The following CLSTN2 variants were observed in gnomAD, a reference collection of about 807,000 sequenced individuals.
The protein encoded by CLSTN2 is calsyntenin 2.
CLSTN2 carries 48 observed loss-of-function variants against 101.2 expected under a neutral mutation model. The observed-to-expected ratio is 0.47, with a 90% CI of 0.38 to 0.60. The LOEUF is 0.60. Ranked by LOEUF, CLSTN2 falls within the 20% of genes least tolerant of loss-of-function variation. CLSTN2 has a pLI of 0.00. For synonymous variants in CLSTN2, 481 were observed against 463.6 expected, an observed-to-expected ratio of 1.04 and a Z score of -0.48; for missense variants, 1,160 against 1,238.2, an observed-to-expected ratio of 0.94 and a Z score of 0.95.
At chr3:140,263,373 G>T (rs1051499609) in intron 2 of CLSTN2, among the ~76,000 whole-genome samples, 3 of 152,122 alleles carry the variant, frequency 2.0e-5, no homozygotes, top group Non-Finnish European at 2.9e-5. Flanking sequence ...TGGTGGGATT[G>T]GTCCTAATGG....
chr3:139,956,845 C>G (rs964789303), intron 1 of CLSTN2, among the ~76,000 whole-genome samples: 1 of 152,022 alleles, frequency 6.6e-6, no homozygotes, highest in African/African-American at 2.4e-5. Flanking sequence ...TTTGCCTCAC[C>G]CTCACAAACT....
rs192044862 is a variant in CLSTN2 at position 140,341,075 on chromosome 3, C to T, written c.233-62554C>T. Among the ~76,000 whole-genome samples the T allele has an allele frequency of 1.2e-4, 18 of 152,286 alleles. No homozygotes were observed. In the South Asian group the frequency reaches 1.2e-3, roughly 11 times the overall value. On this transcript the variant is annotated intron_variant, in intron 2 of 16. Coordinates refer to ENST00000458420, the MANE Select transcript of CLSTN2 (RefSeq NM_022131.3). ...TGAGGTAGTGTTTGTTAGATTTCTC[C>T]GGCATAAAATTACTCTCCCTGACCC... is the stretch of plus-strand genomic sequence containing the variant.
chr3:140,528,466 C>A (rs745538593), intron 8 of CLSTN2, among the ~76,000 whole-genome samples: 10 of 152,138 alleles, frequency 6.6e-5, no homozygotes, highest in Non-Finnish European at 1.3e-4. Context: ...GGATATGAAT[C>A]CCGATCTGTT....
At chr3:139,954,932 G>A (rs1935361791) in intron 1 of CLSTN2, among the ~76,000 whole-genome samples, 1 of 151,804 alleles carries the variant, frequency 6.6e-6, no homozygotes, top group Admixed American at 6.6e-5. Flanking sequence ...TAGTCCATTA[G>A]TTTAGACACA....
At chr3:140,481,026 C>T (rs754918020) in intron 8 of CLSTN2, among the ~76,000 whole-genome samples, 2 of 152,208 alleles carry the variant, frequency 1.3e-5, no homozygotes, top group African/African-American at 2.4e-5. Flanking sequence ...TTGCCCATGC[C>T]TATGTCCTGA....
At chr3:139,998,681 T>C (rs898382955) in intron 1 of CLSTN2, among the ~76,000 whole-genome samples, 9 of 152,056 alleles carry the variant, frequency 5.9e-5, no homozygotes, top group African/African-American at 1.9e-4. Flanking sequence ...CAGTCAGTGT[T>C]TGATGCTTGG....
chr3:140,403,956 C>T (rs2088274661), intron 3 of CLSTN2, 132 bp downstream of exon 3: 1 of 711,822 alleles, frequency 1.4e-6, no homozygotes, highest in Non-Finnish European at 2.3e-6. Context: ...AACTGCTTGG[C>T]AGTTTCCTGG....
intron 1 of CLSTN2, among the ~76,000 whole-genome samples, chr3:140,005,878 T>A (rs993505661): frequency 1.3e-5 from 2 of 152,186 alleles, no homozygotes; most frequent in Non-Finnish European, 2.9e-5. Context: ...GGCAAAATGA[T>A]AACAAAATTG....
At chr3:140,420,303 AAGT>A (rs1173553818) in intron 4 of CLSTN2, among the ~76,000 whole-genome samples, 5 of 152,064 alleles carry the variant, frequency 3.3e-5, no homozygotes, top group African/African-American at 9.7e-5. Flanking sequence ...AAAAAAAAAA[AAGT>A]AGTAGGAATG....
At chr3:140,562,055 T>C (rs1346870746) in intron 12 of CLSTN2, 83 bp from the exon 13 acceptor site, 1 of 1,297,594 alleles carries the variant, frequency 7.7e-7, no homozygotes, top group Non-Finnish European at 1.1e-6. Context: ...TGGGGTGCAA[T>C]AACAGAGGAG....
intron 1 of CLSTN2, among the ~76,000 whole-genome samples, chr3:140,066,959 G>T (rs2008309923): frequency 6.6e-6 from 1 of 152,236 alleles, no homozygotes; most frequent in Non-Finnish European, 1.5e-5. Context: ...ATTTTAATCA[G>T]AGCAAGAGAT....
intron 1 of CLSTN2, among the ~76,000 whole-genome samples, chr3:139,955,103 G>A (rs1935366476): frequency 5.8e-5 from 2 of 34,556 alleles, no homozygotes; most frequent in Non-Finnish European, 5.8e-5. Flanking sequence ...TGTATATATG[G>A]CAATATTGCT....
intron 2 of CLSTN2, among the ~76,000 whole-genome samples, chr3:140,396,328 A>T (rs73228968): frequency 0.03 from 4,631 of 152,214 alleles, 91 homozygotes; most frequent in Non-Finnish European, 0.039. Flanking sequence ...TGCTTCAAGG[A>T]GTCAGATTGT....
At chr3:140,208,035 A>G (rs1559806828) in intron 2 of CLSTN2, among the ~76,000 whole-genome samples, 1 of 152,096 alleles carries the variant, frequency 6.6e-6, no homozygotes, top group African/African-American at 2.4e-5. Flanking sequence ...TGTCTGCCAG[A>G]TTTTTTGCAA....
At chr3:139,950,454 C>T (rs1188892557) in intron 1 of CLSTN2, among the ~76,000 whole-genome samples, 2 of 152,116 alleles carry the variant, frequency 1.3e-5, no homozygotes, top group Admixed American at 6.5e-5. Flanking sequence ...GAGGTTGAGC[C>T]AAGATAGAAT....
intron 2 of CLSTN2, among the ~76,000 whole-genome samples, chr3:140,377,462 A>T (rs2107961965): frequency 6.6e-6 from 1 of 152,286 alleles, no homozygotes; most frequent in East Asian, 1.9e-4. Context: ...CATGCATGTT[A>T]TTTACCCTGA....
chr3:140,020,024 T>C (rs2007275728), intron 1 of CLSTN2, among the ~76,000 whole-genome samples: 1 of 152,022 alleles, frequency 6.6e-6, no homozygotes, highest in Non-Finnish European at 1.5e-5. Context: ...ATTTAGGAGA[T>C]GGGAGCAACT....
At chr3:140,372,415 CT>C (rs1229980190) in intron 2 of CLSTN2, among the ~76,000 whole-genome samples, 2 of 152,208 alleles carry the variant, frequency 1.3e-5, no homozygotes, top group East Asian at 3.8e-4. Flanking sequence ...GGTATTTCCT[CT>C]TTCTGGATGC....
chr3:139,975,166 A>G (rs903327167), intron 1 of CLSTN2, among the ~76,000 whole-genome samples: 3 of 152,178 alleles, frequency 2.0e-5, no homozygotes, highest in Admixed American at 2.0e-4. Flanking sequence ...CCTTGATATA[A>G]GAGCTGTAGC....
Sources: allele counts gnomAD v4.1 joint callset (sites outside exome capture counted in the v4.1 genomes callset), GRCh38; gene constraint gnomAD v4.1.1; transcripts MANE v1.5; gene names NCBI Gene and HGNC (gene_info 2026-07-23, HGNC 2026-07-21).